RAPGEF4: variants seen among roughly 807,000 people sequenced by gnomAD.
RAPGEF4 encodes the protein Rap guanine nucleotide exchange factor 4.
Under a neutral mutation model 147.9 loss-of-function variants are expected in RAPGEF4, and 66 were observed. That is an observed-to-expected ratio of 0.45 (90% CI 0.37 to 0.55). RAPGEF4 has a LOEUF of 0.55. Ranked by LOEUF, RAPGEF4 falls within the 20% of genes least tolerant of loss-of-function variation. RAPGEF4 has a pLI of 0.00. For missense variants in RAPGEF4, 1,071 were observed against 1,257.3 expected (o/e 0.85, Z 2.24); for synonymous variants, 419 against 442.7 (o/e 0.95, Z 0.67).
At chr2:173,021,882 T>G (rs1171768939) in intron 23 of RAPGEF4, among the ~76,000 whole-genome samples, 1 of 152,192 alleles carries the variant, frequency 6.6e-6, no homozygotes, top group African/African-American at 2.4e-5. Flanking sequence ...TGGCATTAGT[T>G]TTCCTGCTAA....
At chr2:172,844,738 T>C (rs1011320396) in intron 4 of RAPGEF4, among the ~76,000 whole-genome samples, 8 of 152,228 alleles carry the variant, frequency 5.3e-5, no homozygotes, top group African/African-American at 1.9e-4. Context: ...CCAAATTTTA[T>C]TTCACAAATG....
At position 172,834,886 on chromosome 2, in the gene RAPGEF4, G is replaced by A. The variant is rs79968849; in HGVS notation, c.444+20461G>A. 1.0e-3 allele frequency among the ~76,000 whole-genome samples: 155 copies of A among 151,972 alleles called. 1 individual carries two copies. Among genetic ancestry groups the A allele is most frequent in the Middle Eastern group, 6.8e-3 (2 of 294 alleles). On this transcript the variant is annotated intron_variant, in intron 4 of 30. Coordinates refer to ENST00000397081, the MANE Select transcript of RAPGEF4 (RefSeq NM_007023.4). ...TCTCTTTCTTTGATTTTTTTCTTAG[G>A]TGAAATATTACATTTTGTTTTCCTG...
chr2:173,042,817 C>T lies in RAPGEF4; in HGVS notation c.2854-5783C>T, dbSNP rs1457603123. 6.6e-6 allele frequency among the ~76,000 whole-genome samples: 1 copy of T among 152,214 alleles called. No individual in the cohort carries two copies. The highest frequency in any genetic ancestry group is 2.4e-5 in the African/African-American group (1 of 41,444). On this transcript the variant is annotated intron_variant, in intron 29 of 30. Coordinates refer to ENST00000397081, the MANE Select transcript of RAPGEF4 (RefSeq NM_007023.4). This position sits in a 1 kb window ranked among gnomAD's most constrained non-coding sequence, Gnocchi z 4.2. ...AGTACATAGAGGTATACATGCTCTA[C>T]ACGTGCCTGGAAAGGCACCTGAACT... is the stretch of plus-strand genomic sequence containing the variant.
Position 172,797,593 on chromosome 2 carries a change from T to C in RAPGEF4, c.277T>C (p.Ser93Pro). The C allele has an allele frequency of 6.2e-7, 1 of 1,613,500 alleles. No individual in the cohort carries two copies. The change falls in exon 3 of 31, where the codon TCT becomes CCT. Residue 93 changes from serine (S) to proline (P), a missense_variant. Coordinates refer to ENST00000397081, the MANE Select transcript of RAPGEF4 (RefSeq NM_007023.4). ...GGCAGGGTCTTTGGATGTTAAAGTA[T>C]CTGAGACCAGCAGTCACCAGGTAAT... is the stretch of plus-strand genomic sequence containing the variant. ...VLAGSLDVKV[S>P]ETSSHQDAVT...
intron 4 of RAPGEF4, among the ~76,000 whole-genome samples, chr2:172,896,236 A>G (rs1469287996): frequency 1.3e-5 from 2 of 152,254 alleles, no homozygotes; most frequent in Admixed American, 1.3e-4. Context: ...GATAGGACAG[A>G]ATAAAATTAC....
chr2:172,892,371 T>C (rs1698018945), intron 4 of RAPGEF4, among the ~76,000 whole-genome samples: 1 of 152,220 alleles, frequency 6.6e-6, no homozygotes, highest in Admixed American at 6.5e-5. Flanking sequence ...AATAGTTGAA[T>C]ATGTGCCCTG....
At chr2:172,989,291 T>A (rs554553090) in intron 14 of RAPGEF4, among the ~76,000 whole-genome samples, 1 of 152,314 alleles carries the variant, frequency 6.6e-6, no homozygotes, top group African/African-American at 2.4e-5. Flanking sequence ...TCTGAGCCTG[T>A]CTCATATCAT....
At chr2:172,962,318 T>A (rs1028248463) in intron 8 of RAPGEF4, among the ~76,000 whole-genome samples, 1 of 152,164 alleles carries the variant, frequency 6.6e-6, no homozygotes, top group African/African-American at 2.4e-5. Context: ...CCCATTTGAT[T>A]CACAGGAACC....
intron 4 of RAPGEF4, among the ~76,000 whole-genome samples, chr2:172,905,281 A>G (rs1476297072): frequency 6.6e-6 from 1 of 152,040 alleles, no homozygotes; most frequent in African/African-American, 2.4e-5. Context: ...ATGTGTTGGT[A>G]GCTGTCCTCA....
chr2:172,951,194 T>A (rs760217864), intron 6 of RAPGEF4, among the ~76,000 whole-genome samples: 1 of 152,226 alleles, frequency 6.6e-6, no homozygotes, highest in African/African-American at 2.4e-5. Flanking sequence ...TCAGTAAGTT[T>A]CTACTCAATT....
chr2:172,822,043 T>G, intron 4 of RAPGEF4: 1 of 1,575,740 alleles, frequency 6.3e-7, no homozygotes, highest in Non-Finnish European at 8.7e-7. Context: ...ATGTTACTGT[T>G]TGCATTTTGG....
chr2:172,767,589 A>G (rs934801135), intron 1 of RAPGEF4, among the ~76,000 whole-genome samples: 2 of 152,236 alleles, frequency 1.3e-5, no homozygotes, highest in Non-Finnish European at 2.9e-5. Flanking sequence ...AAAATAACCT[A>G]AAGATGGAAG....
intron 5 of RAPGEF4, 126 bp downstream of exon 5, chr2:172,918,000 A>T: frequency 1.2e-6 from 1 of 829,664 alleles, no homozygotes; most frequent in Non-Finnish European, 2.1e-6. Context: ...GTGGATAAAC[A>T]AACCTGCCAG....
At chr2:172,897,448 G>C (rs1251802610) in intron 4 of RAPGEF4, among the ~76,000 whole-genome samples, 1 of 152,074 alleles carries the variant, frequency 6.6e-6, no homozygotes, top group Admixed American at 6.5e-5. Context: ...ACCCGGACCA[G>C]AGTGCAGTGG....
At position 172,735,968 on chromosome 2, in the gene RAPGEF4, C is replaced by A. The variant is rs1020224940; in HGVS notation, c.-16C>A. 5.5e-6 allele frequency: 8 copies of A among 1,455,830 alleles called. No homozygotes were observed. The highest frequency in any genetic ancestry group is 7.3e-6 in the Non-Finnish European group (8 of 1,101,490). The allele number at this position is 1,455,830 out of a possible 1,614,324, so 90.2% of individuals were successfully genotyped here. A position where few individuals can be genotyped will look rare whatever the true frequency, so the allele number is the denominator to read the frequency against. On this transcript the variant is annotated 5_prime_UTR_variant, in exon 1 of 31. Coordinates refer to ENST00000397081, the MANE Select transcript of RAPGEF4 (RefSeq NM_007023.4). ...GAGGTCGCCGCAGCCAGGGACACCG[C>A]GCGCCGCCGCTCAACATGGTCGCTG...
At chr2:173,043,961 G>A (rs76349813) in intron 29 of RAPGEF4, among the ~76,000 whole-genome samples, 5 of 152,174 alleles carry the variant, frequency 3.3e-5, no homozygotes, top group African/African-American at 4.8e-5. Flanking sequence ...CAGCTGGAGA[G>A]AGTTCTTGGC....
intron 4 of RAPGEF4, among the ~76,000 whole-genome samples, chr2:172,832,290 C>A (rs773835594): frequency 5.5e-4 from 83 of 152,030 alleles, no homozygotes; most frequent in Non-Finnish European, 9.3e-4. Context: ...GTGAGTGGGG[C>A]AGGTAAAAAG....
At chr2:172,911,367 AATCTGT>A (rs1291706788) in intron 4 of RAPGEF4, among the ~76,000 whole-genome samples, 1 of 152,212 alleles carries the variant, frequency 6.6e-6, no homozygotes, top group Non-Finnish European at 1.5e-5. Flanking sequence ...ATAAGTTACC[AATCTGT>A]AGCAATTCTG....
chr2:172,905,769 C>T (rs16861017), intron 4 of RAPGEF4, among the ~76,000 whole-genome samples: 2,252 of 152,258 alleles, frequency 0.015, 60 homozygotes, highest in African/African-American at 0.052. Flanking sequence ...TTTGCTTCCA[C>T]GTAGAAATGT....
Sources: allele counts gnomAD v4.1 joint callset (sites outside exome capture counted in the v4.1 genomes callset), GRCh38; gene constraint gnomAD v4.1.1; non-coding constraint Gnocchi (gnomAD v3.1); transcripts MANE v1.5; gene names NCBI Gene and HGNC (gene_info 2026-07-23, HGNC 2026-07-21).